Variants in SLC9A5 observed in about 807,000 individuals in gnomAD.
The protein encoded by SLC9A5 is sodium/hydrogen exchanger 5.
In SLC9A5, 52 loss-of-function variants were observed where a neutral mutation model predicts 91.7. That is an observed-to-expected ratio of 0.57 (90% CI 0.45 to 0.71). The LOEUF (loss-of-function observed/expected upper bound fraction) is 0.71. Among genes scored for constraint, SLC9A5 ranks in the 30% least tolerant of loss-of-function variants. The pLI is 0.00. For synonymous variants in SLC9A5, 419 were observed against 474.5 expected (o/e 0.88, Z 1.52); for missense variants, 871 against 1,158.9 (o/e 0.75, Z 3.61).
chr16:67,255,702 C>T lies in SLC9A5; in HGVS notation c.734-51C>T. 6.6e-7 allele frequency: 1 copy of T among 1,515,456 alleles called. No individual in the cohort carries two copies. The highest frequency in any genetic ancestry group is 1.2e-5 in the South Asian group (1 of 82,482). 93.9% of individuals were successfully genotyped at this position (1,515,456 alleles called of 1,614,324 possible). ...CCTGCCAGGCAGCAGTCTTGTCAGC[C>T]CGGGTAGGGTCCGGGCCAGGGGTCA... is the stretch of plus-strand genomic sequence containing the variant. On this transcript the variant is annotated intron_variant, in intron 4 of 15. Transcript: ENST00000299798. The surrounding 1 kb of genome is among the most constrained non-coding windows in gnomAD (Gnocchi z 4.9).
At position 67,258,343 on chromosome 16, in the gene SLC9A5, C is replaced by T. The variant is rs771337458; in HGVS notation, c.1522C>T (p.Leu508=). ...DRWEQFDKKY[L]SQLLMRRSAY... is the part of the protein sequence containing the mutation. ...GTGGGAGCAGTTTGACAAGAAATACCTGAGTCAGCTGCTGATGCGACGATC... is the reference window on the plus strand; with the variant it reads ...GTGGGAGCAGTTTGACAAGAAATACTTGAGTCAGCTGCTGATGCGACGATC... The change falls in exon 10 of 16, where the codon CTG becomes TTG. Residue 508 remains leucine (L), a synonymous_variant. Transcript: ENST00000299798. The surrounding 1 kb of genome is among the most constrained non-coding windows in gnomAD (Gnocchi z 4.5). The T allele has an allele frequency of 3.7e-6, 6 of 1,614,104 alleles. No homozygotes were observed. In the South Asian group the frequency reaches 6.6e-5, roughly 18 times the overall value.
chr16:67,266,155 G>A lies in SLC9A5; in HGVS notation c.2148G>A (p.Lys716=), dbSNP rs61744117. 1.7e-3 allele frequency: 2,680 copies of A among 1,611,810 alleles called. 6 individuals carry two copies. Among genetic ancestry groups the A allele is most frequent in the Non-Finnish European group, 2.1e-3 (2,488 of 1,178,988 alleles). ...EEESDSSETE[K]EDDEGIIFVA... is the part of the protein sequence containing the mutation. ...AGAGCGACAGTTCAGAGACAGAGAA[G>A]GAGGACGATGAGGGGATCATCTTTG... Residue 716 remains lysine, a synonymous_variant, in exon 15 of 16, where the codon AAG becomes AAA. Coordinates refer to ENST00000299798, the MANE Select transcript of SLC9A5 (RefSeq NM_004594.3).
At position 67,249,066 on chromosome 16, in the gene SLC9A5, G is replaced by C. The variant is rs2035000056; in HGVS notation, c.52G>C (p.Glu18Gln). The change falls in exon 1 of 16, where the codon GAA becomes CAA. Residue 18 changes from glutamate to glutamine, a missense_variant. Physicochemically the swap from Glu to Gln is conservative, Grantham distance 29 (BLOSUM62 2). Coordinates refer to ENST00000299798, the MANE Select transcript of SLC9A5 (RefSeq NM_004594.3). ...LLALPLAGAA[E>Q]EPTQKPESPG... ...CGCGCTGCCCCTGGCGGGGGCGGCCGAAGAGCCCACCCAGAAGCCAGAGTC... is the reference window on the plus strand; with the variant it reads ...CGCGCTGCCCCTGGCGGGGGCGGCCCAAGAGCCCACCCAGAAGCCAGAGTC... 1 of 1,517,254 alleles carries C rather than the reference G, an allele frequency of 6.6e-7. No individual in the cohort carries two copies. The highest frequency in any genetic ancestry group is 2.6e-5 in the East Asian group (1 of 37,736). 94.0% of individuals were successfully genotyped at this position (1,517,254 alleles called of 1,614,324 possible).
In SLC9A5 at chr16:67,259,558, T is replaced by C. The variant is rs1280861323; in HGVS notation, c.1627-15T>C. On this transcript the variant is annotated splice_polypyrimidine_tract_variant and intron_variant, in intron 10 of 15. Coordinates refer to ENST00000299798, the MANE Select transcript of SLC9A5 (RefSeq NM_004594.3). The stretch of plus-strand genomic sequence containing the variant: ...CCATCTGATTGCTGGCTGACCTTGG[T>C]CTTGACACCTGCAGGGAGGCCACGT... 9 of 1,610,628 alleles carry C rather than the reference T, an allele frequency of 5.6e-6. No homozygotes were observed. Among genetic ancestry groups the C allele is most frequent in the Non-Finnish European group, 7.6e-6 (9 of 1,177,026 alleles).
At position 67,249,098 on chromosome 16, in the gene SLC9A5, C is replaced by A; in HGVS notation, c.84C>A (p.Gly28=). 1 of 1,540,338 alleles carries A rather than the reference C, an allele frequency of 6.5e-7. No homozygotes were observed. Among genetic ancestry groups the A allele is most frequent in the Non-Finnish European group, 8.7e-7 (1 of 1,149,982 alleles). The part of the protein sequence containing the change: ...EEPTQKPESP[G]EPPPGLELFR... Reference sequence around the variant, plus strand: ...CCACCCAGAAGCCAGAGTCCCCGGGCGAGCCTCCCCCAGGCTTAGAGCTCT... The same window carrying A: ...CCACCCAGAAGCCAGAGTCCCCGGGAGAGCCTCCCCCAGGCTTAGAGCTCT... The change falls in exon 1 of 16, where the codon GGC becomes GGA. Residue 28 remains glycine (G), a synonymous_variant. Coordinates refer to ENST00000299798, the MANE Select transcript of SLC9A5 (RefSeq NM_004594.3).
chr16:67,266,025 T>C, intron 14 of SLC9A5, 63 bp from the exon 15 acceptor site: 5 of 1,593,948 alleles, frequency 3.1e-6, no homozygotes, highest in South Asian at 2.3e-5. Flanking sequence ...GGCTTGGGGC[T>C]GTGTAGTCCC....
Position 67,257,271 on chromosome 16 carries a change from C to A in SLC9A5, c.1336-74C>A. The A allele has an allele frequency of 7.0e-7, 1 of 1,429,184 alleles. No homozygotes were observed. The highest frequency in any genetic ancestry group is 9.9e-7 in the Non-Finnish European group (1 of 1,014,450). The allele number at this position is 1,429,184 out of a possible 1,614,324, so 88.5% of individuals were successfully genotyped here. ...GGGGTAGGGGTACTGAAGCTGAAGCCTCATTACGGGGAGAGAAAGGCAGCA... is the reference window on the plus strand; with the variant it reads ...GGGGTAGGGGTACTGAAGCTGAAGCATCATTACGGGGAGAGAAAGGCAGCA... On this transcript the variant is annotated intron_variant, in intron 7 of 15. Transcript: ENST00000299798. This position sits in a 1 kb window ranked among gnomAD's most constrained non-coding sequence, Gnocchi z 5.1.
In SLC9A5 at chr16:67,266,052, C is replaced by A. The variant is rs1270716902; in HGVS notation, c.2081-36C>A. The A allele has an allele frequency of 3.1e-6, 5 of 1,606,992 alleles. No individual in the cohort carries two copies. The South Asian group carries it at 3.3e-5, about 11-fold the overall frequency. The stretch of plus-strand genomic sequence containing the variant: ...TGTAGTCCCAACAGGCAGCTGCCAG[C>A]CCAGGATGCCTGACTCTGCTCTTGT... On this transcript the variant is annotated intron_variant, in intron 14 of 15. Transcript: ENST00000299798.
chr16:67,255,128 G>A lies in SLC9A5; in HGVS notation c.598G>A (p.Glu200Lys), dbSNP rs1280948831. 1 of 1,614,126 alleles carries A rather than the reference G, an allele frequency of 6.2e-7. No homozygotes were observed. Among genetic ancestry groups the A allele is most frequent in the African/African-American group, 1.3e-5 (1 of 75,042 alleles). ...LAVFEEVHVN[E>K]TLFIIVFGES... ...TGTCTTTGAGGAGGTGCACGTCAATGAGACTCTCTTTATCATCGTCTTTGG... is the reference window on the plus strand; with the variant it reads ...TGTCTTTGAGGAGGTGCACGTCAATAAGACTCTCTTTATCATCGTCTTTGG... Residue 200 changes from glutamate to lysine, a missense_variant, in exon 3 of 16, where the codon GAG (glutamate) becomes AAG (lysine). By Grantham distance (56) the Glu-to-Lys change is moderately conservative. Around this residue, in one of 3 missense-constraint regions of SLC9A5, gnomAD observed 454 missense variants for 718.3 expected, o/e 0.63. Coordinates refer to ENST00000299798, the MANE Select transcript of SLC9A5 (RefSeq NM_004594.3). This position sits in a 1 kb window ranked among gnomAD's most constrained non-coding sequence, Gnocchi z 4.9.
At position 67,256,925 on chromosome 16, in the gene SLC9A5, A is replaced by T. The variant is rs2035340351; in HGVS notation, c.1147A>T (p.Thr383Ser). Reference sequence around the variant, plus strand: ...TCCCGCTGTAGGCGTAGTCCTGCAGACCTGGGTGCTGAATCAGTTCCGGCT... The same window carrying T: ...TCCCGCTGTAGGCGTAGTCCTGCAGTCCTGGGTGCTGAATCAGTTCCGGCT... ...FFRALGVVLQ[T>S]WVLNQFRLVP... The change falls in exon 7 of 16, where the codon ACC (threonine) becomes TCC (serine). Residue 383 changes from threonine to serine, a missense_variant. Thr to Ser is a moderately conservative substitution (Grantham distance 58). Transcript: ENST00000299798. The surrounding 1 kb of genome is among the most constrained non-coding windows in gnomAD (Gnocchi z 4.1). The T allele has an allele frequency of 1.2e-6, 2 of 1,613,930 alleles. No individual in the cohort carries two copies. Among genetic ancestry groups the T allele is most frequent in the Non-Finnish European group, 1.7e-6 (2 of 1,180,012 alleles).
rs769819812 is a variant in SLC9A5 at position 67,266,071 on chromosome 16, C to T, written c.2081-17C>T. 11 of 1,610,432 alleles carry T rather than the reference C, an allele frequency of 6.8e-6. No individual in the cohort carries two copies. Among genetic ancestry groups the T allele is most frequent in the East Asian group, 4.5e-5 (2 of 44,526 alleles). On this transcript the variant is annotated splice_polypyrimidine_tract_variant and intron_variant, in intron 14 of 15. Coordinates refer to ENST00000299798, the MANE Select transcript of SLC9A5 (RefSeq NM_004594.3). ...TGCCAGCCCAGGATGCCTGACTCTG[C>T]TCTTGTCTCTGTCCAGCTGCTGTGA...
At chr16:67,260,908 T>C (rs2035511579) in intron 12 of SLC9A5, among the ~76,000 whole-genome samples, 1 of 152,246 alleles carries the variant, frequency 6.6e-6, no homozygotes, top group Non-Finnish European at 1.5e-5. Flanking sequence ...TCACCAGTTC[T>C]GGCAGTTTCA....
In SLC9A5 at chr16:67,266,068, C is replaced by G. The variant is rs1597362619; in HGVS notation, c.2081-20C>G. On this transcript the variant is annotated intron_variant, in intron 14 of 15. Transcript: ENST00000299798. ...AGCTGCCAGCCCAGGATGCCTGACT[C>G]TGCTCTTGTCTCTGTCCAGCTGCTG... 6.2e-7 allele frequency: 1 copy of G among 1,609,588 alleles called. No individual in the cohort carries two copies. Among genetic ancestry groups the G allele is most frequent in the Non-Finnish European group, 8.5e-7 (1 of 1,178,164 alleles).
chr16:67,256,492 G>A lies in SLC9A5; in HGVS notation c.935G>A (p.Cys312Tyr). ...AGGGTGACCATGTGTGGCCTGGGCT[G>A]TAAGAAGTACGTGGAGGCCAACATC... ...ILAVTMCGLG[C>Y]KKYVEANISH... Residue 312 changes from cysteine (C) to tyrosine (Y), a missense_variant, in exon 6 of 16, where the codon TGT (cysteine) becomes TAT (tyrosine). Physicochemically the swap from Cys to Tyr is radical, Grantham distance 194. Transcript: ENST00000299798. This position sits in a 1 kb window ranked among gnomAD's most constrained non-coding sequence, Gnocchi z 4.1. 6.2e-7 allele frequency: 1 copy of A among 1,611,716 alleles called. No homozygotes were observed. The highest frequency in any genetic ancestry group is 8.5e-7 in the Non-Finnish European group (1 of 1,179,886).
In SLC9A5 at chr16:67,259,708, G is replaced by T. The variant is rs996355524; in HGVS notation, c.1715+47G>T. The stretch of plus-strand genomic sequence containing the variant: ...CCTTCCTCATACTCCTCTCCATTGT[G>T]CCCTCTCTCTGAGTCCCTTCTGGGG... On this transcript the variant is annotated intron_variant, in intron 11 of 15. Coordinates refer to ENST00000299798, the MANE Select transcript of SLC9A5 (RefSeq NM_004594.3). The T allele has an allele frequency of 1.9e-6, 3 of 1,597,314 alleles. No individual in the cohort carries two copies. The Admixed American group carries it at 5.0e-5, about 27-fold the overall frequency.
intron 14 of SLC9A5, 80 bp from the exon 15 acceptor site, chr16:67,266,008 G>C: frequency 6.4e-7 from 1 of 1,565,168 alleles, no homozygotes; most frequent in African/African-American, 1.4e-5. Context: ...TAGGGAGACA[G>C]GGAGCTGGCT....
chr16:67,269,581 G>T (rs2035852467), intron 15 of SLC9A5, among the ~76,000 whole-genome samples: 2 of 152,126 alleles, frequency 1.3e-5, no homozygotes. Context: ...AATACCAAAG[G>T]TTTTTTGTTT....
At position 67,252,514 on chromosome 16, in the gene SLC9A5, T is replaced by C; in HGVS notation, c.188-28T>C. The C allele has an allele frequency of 1.9e-6, 3 of 1,580,500 alleles. No individual in the cohort carries two copies. Among genetic ancestry groups the C allele is most frequent in the Non-Finnish European group, 2.6e-6 (3 of 1,158,892 alleles). On this transcript the variant is annotated intron_variant, in intron 1 of 15. Coordinates refer to ENST00000299798, the MANE Select transcript of SLC9A5 (RefSeq NM_004594.3). The surrounding 1 kb of genome is among the most constrained non-coding windows in gnomAD (Gnocchi z 4.0). ...TGTGGGAGGATATTCCATAAACTGA[T>C]CCATCCTGCACTCTTTTTGCATTGC...
At position 67,271,077 on chromosome 16, in the gene SLC9A5, G is replaced by A; in HGVS notation, c.2558G>A (p.Ser853Asn). 1 of 1,612,930 alleles carries A rather than the reference G, an allele frequency of 6.2e-7. No individual in the cohort carries two copies. The highest frequency in any genetic ancestry group is 1.3e-5 in the African/African-American group (1 of 75,018). ...CTGGCCAAGGCTGGCCGCTCTCGCA[G>A]TGAGAGCAGCGCTGACCTCCCCCAG... ...PSLAKAGRSRSESSADLPQQQ... is the reference protein window; with the variant it reads ...PSLAKAGRSRNESSADLPQQQ... The change falls in exon 16 of 16, where the codon AGT (serine) becomes AAT (asparagine). Residue 853 changes from serine to asparagine, a missense_variant. Ser to Asn is a conservative substitution (Grantham distance 46, BLOSUM62 1). Coordinates refer to ENST00000299798, the MANE Select transcript of SLC9A5 (RefSeq NM_004594.3).
Sources: gnomAD v4.1 joint callset for allele counts (sites outside exome capture counted in the v4.1 genomes callset) on GRCh38, gnomAD v4.1.1 for gene constraint, gnomAD v4.1.1 regional missense constraint, Gnocchi (gnomAD v3.1) non-coding constraint, MANE v1.5 for transcripts, NCBI Gene and HGNC (gene_info 2026-07-23, HGNC 2026-07-21) for gene names.